HAUS6: variants seen among roughly 807,000 people sequenced by gnomAD.
HAUS6 encodes the protein HAUS augmin like complex subunit 6.
In HAUS6, 80 loss-of-function variants were observed where a neutral mutation model predicts 106.8. The ratio of observed to expected loss-of-function variants is 0.75; its 90% confidence interval spans 0.63 to 0.90. HAUS6 has a LOEUF of 0.90. HAUS6 is among the 40% of genes least tolerant of loss of function. The pLI is 0.00. For synonymous variants in HAUS6, 356 were observed against 379.1 expected (o/e 0.94, Z 0.71); for missense variants, 1,155 against 1,118.1 (o/e 1.03, Z -0.47).
chr9:19,084,598 T>C (rs185160031), intron 7 of HAUS6, among the ~76,000 whole-genome samples: 8 of 152,140 alleles, frequency 5.3e-5, no homozygotes, highest in Admixed American at 1.3e-4. Flanking sequence ...AAATACAATA[T>C]TAAATATCTC....
chr9:19,091,602 A>C (rs1186602954), intron 4 of HAUS6, among the ~76,000 whole-genome samples: 1 of 151,978 alleles, frequency 6.6e-6, no homozygotes, highest in Non-Finnish European at 1.5e-5. Context: ...ATTACTTGAG[A>C]CCAGGAGTTC....
chr9:19,073,349 G>A (rs1836918657), intron 11 of HAUS6, among the ~76,000 whole-genome samples: 1 of 151,860 alleles, frequency 6.6e-6, no homozygotes, highest in African/African-American at 2.4e-5. Context: ...GGTATAGGAA[G>A]GCGGAAAAGG....
At chr9:19,075,683 G>C (rs1474908836) in intron 11 of HAUS6, among the ~76,000 whole-genome samples, 1 of 152,208 alleles carries the variant, frequency 6.6e-6, no homozygotes, top group African/African-American at 2.4e-5. Context: ...GCCAGGCACA[G>C]TGGCTCACAC....
At position 19,078,645 on chromosome 9, in the gene HAUS6, G is replaced by A. The variant is rs577574077; in HGVS notation, c.1065-343C>T. Among the ~76,000 whole-genome samples, 271 of 150,670 alleles carry A rather than the reference G, an allele frequency of 1.8e-3. 2 individuals carry two copies. The highest frequency in any genetic ancestry group is 6.2e-3 in the African/African-American group (256 of 41,046). On this transcript the variant is annotated intron_variant, in intron 9 of 16. Transcript: ENST00000380502. ...TCTATGAAAAATACAAAAATTAGCC[G>A]GGCGTAGGGGTGGGTGCCTGTAATT...
chr9:19,056,431 A>T, intron 16 of HAUS6, 27 bp from the exon 17 acceptor site: 1 of 1,235,662 alleles, frequency 8.1e-7, no homozygotes, highest in Non-Finnish European at 1.2e-6. Context: ...AAAAAGTATA[A>T]GCAAACATTA....
intron 8 of HAUS6, among the ~76,000 whole-genome samples, chr9:19,081,804 G>A (rs1435332549): frequency 6.6e-6 from 1 of 151,926 alleles, no homozygotes; most frequent in Admixed American, 6.6e-5. Flanking sequence ...ACTGGCTCAC[G>A]CCTGTAATCC....
intron 9 of HAUS6, among the ~76,000 whole-genome samples, chr9:19,078,569 C>A (rs1837063386): frequency 6.6e-6 from 1 of 152,092 alleles, no homozygotes; most frequent in African/African-American, 2.4e-5. Context: ...AGGTGGATCA[C>A]CTGAGGTCAG....
intron 2 of HAUS6, among the ~76,000 whole-genome samples, chr9:19,096,092 G>A (rs972259343): frequency 4.0e-5 from 6 of 151,834 alleles, no homozygotes; most frequent in East Asian, 1.9e-4. Flanking sequence ...TATTAAGACC[G>A]TAAATAAAAT....
At chr9:19,069,602 G>A (rs926336881) in intron 12 of HAUS6, among the ~76,000 whole-genome samples, 11 of 152,004 alleles carry the variant, frequency 7.2e-5, no homozygotes, top group African/African-American at 2.7e-4. Flanking sequence ...CTGAACCCAG[G>A]AGGGGAACTA....
intron 12 of HAUS6, among the ~76,000 whole-genome samples, chr9:19,066,606 G>C (rs1404803768): frequency 6.6e-6 from 1 of 152,044 alleles, no homozygotes; most frequent in Non-Finnish European, 1.5e-5. Context: ...AAAAGCCATT[G>C]CAAAGAATGC....
intron 11 of HAUS6, among the ~76,000 whole-genome samples, chr9:19,075,667 T>C (rs565853627): frequency 7.9e-5 from 12 of 151,594 alleles, no homozygotes; most frequent in African/African-American, 2.4e-4. Context: ...AGAAGTACAT[T>C]AATGGGCCAG....
chr9:19,077,193 C>G (rs927002070), intron 10 of HAUS6, among the ~76,000 whole-genome samples: 4 of 152,168 alleles, frequency 2.6e-5, no homozygotes, highest in Non-Finnish European at 4.4e-5. Context: ...AGGGGGATTA[C>G]TTAGTCCTTG....
intron 15 of HAUS6, among the ~76,000 whole-genome samples, chr9:19,059,372 A>G (rs1019848548): frequency 6.6e-6 from 1 of 152,350 alleles, no homozygotes; most frequent in African/African-American, 2.4e-5. Flanking sequence ...CATTCTGTCA[A>G]CTACTTAACT....
intron 16 of HAUS6, 40 bp from the exon 17 acceptor site, chr9:19,056,444 A>C: frequency 1.8e-6 from 2 of 1,108,982 alleles, no homozygotes; most frequent in Non-Finnish European, 2.8e-6. Flanking sequence ...AAACATTACA[A>C]AGAAAAATAA....
chr9:19,056,573 G>T, intron 16 of HAUS6, 169 bp from the exon 17 acceptor site: 1 of 545,688 alleles, frequency 1.8e-6, no homozygotes, highest in Non-Finnish European at 3.3e-6. Context: ...TTTCTCCAGA[G>T]ATCAATACAT....
intron 9 of HAUS6, among the ~76,000 whole-genome samples, chr9:19,080,148 T>C (rs1247818272): frequency 1.7e-5 from 2 of 116,828 alleles, no homozygotes; most frequent in Middle Eastern, 0.019. Context: ...CACTCTAGCC[T>C]GGGCAACGAG....
intron 5 of HAUS6, 112 bp downstream of exon 5, chr9:19,089,296 TAGAA>T: frequency 1.5e-6 from 1 of 663,494 alleles, no homozygotes; most frequent in Non-Finnish European, 2.6e-6. Context: ...GACTTTAAAA[TAGAA>T]AGATAACCGC....
intron 1 of HAUS6, among the ~76,000 whole-genome samples, chr9:19,099,882 T>G (rs530145732): frequency 6.6e-6 from 1 of 152,140 alleles, no homozygotes; most frequent in African/African-American, 2.4e-5. Context: ...AGAACCCATC[T>G]CTACAAAAAG....
intron 4 of HAUS6, 137 bp from the exon 5 acceptor site, chr9:19,089,696 GA>G (rs1187261603): frequency 3.6e-6 from 2 of 559,736 alleles, no homozygotes; most frequent in Non-Finnish European, 3.0e-6. Flanking sequence ...TTAAAAAAAG[GA>G]AAACAGACTT....
Sources: allele counts gnomAD v4.1 joint callset (sites outside exome capture counted in the v4.1 genomes callset), GRCh38; gene constraint gnomAD v4.1.1; transcripts MANE v1.5; gene names NCBI Gene and HGNC (gene_info 2026-07-23, HGNC 2026-07-21).